MPDZ: variants seen among roughly 807,000 people sequenced by gnomAD.
MPDZ encodes multiple PDZ domain crumbs cell polarity complex component.
A neutral mutation model predicts 239.1 loss-of-function variants in MPDZ; 234 were observed. The ratio of observed to expected loss-of-function variants is 0.98; its 90% CI spans 0.88 to 1.09. The LOEUF (loss-of-function observed/expected upper bound fraction) is 1.09. MPDZ is among the 50% of genes least tolerant of loss of function. The pLI is 0.00. For synonymous variants in MPDZ, 1,048 were observed against 881.3 expected, an observed-to-expected ratio of 1.19 and a Z score of -3.35; for missense variants, 3,175 against 2,510.0, an observed-to-expected ratio of 1.26 and a Z score of -5.66.
intron 26 of MPDZ, among the ~76,000 whole-genome samples, chr9:13,145,142 C>G (rs954884927): frequency 6.6e-6 from 1 of 152,000 alleles, no homozygotes. Flanking sequence ...AGCATAGGCA[C>G]AGCAGACGAA....
intron 12 of MPDZ, among the ~76,000 whole-genome samples, chr9:13,197,635 T>C (rs1675181103): frequency 6.6e-6 from 1 of 152,120 alleles, no homozygotes; most frequent in South Asian, 2.1e-4. Flanking sequence ...ATCTTCTTCC[T>C]ATTTTGACAT....
At chr9:13,207,758 T>G (rs533987358) in intron 10 of MPDZ, among the ~76,000 whole-genome samples, 1 of 152,204 alleles carries the variant, frequency 6.6e-6, no homozygotes, top group Non-Finnish European at 1.5e-5. Context: ...TTTTTCCTTA[T>G]AGTAGTGTCA....
chr9:13,119,664 G>C lies in MPDZ; in HGVS notation c.5232-15C>G, dbSNP rs1187675324. On this transcript the variant is annotated splice_polypyrimidine_tract_variant and intron_variant, in intron 38 of 46. Transcript: ENST00000319217. Reference sequence around the variant, plus strand: ...CAGTATCGTTTCTACACACAATTTTGAATTTCAACATTATCTTTTGCTCAA... The same window carrying C: ...CAGTATCGTTTCTACACACAATTTTCAATTTCAACATTATCTTTTGCTCAA... The C allele has an allele frequency of 2.5e-6, 4 of 1,613,612 alleles. No homozygotes were observed. The highest frequency in any genetic ancestry group is 2.5e-6 in the Non-Finnish European group (3 of 1,179,748).
intron 35 of MPDZ, 38 bp from the exon 36 acceptor site, chr9:13,123,336 G>C: frequency 6.5e-7 from 1 of 1,541,600 alleles, no homozygotes; most frequent in Non-Finnish European, 8.8e-7. Context: ...AATAAAAATT[G>C]GTTACTAAGG....
At chr9:13,260,996 G>C (rs1970559009) in intron 1 of MPDZ, among the ~76,000 whole-genome samples, 1 of 152,200 alleles carries the variant, frequency 6.6e-6, no homozygotes, top group South Asian at 2.1e-4. Context: ...AAGGGAACCA[G>C]GGCTGGGCTC....
At chr9:13,206,491 C>A (rs143354340) in intron 10 of MPDZ, among the ~76,000 whole-genome samples, 84 of 151,896 alleles carry the variant, frequency 5.5e-4, no homozygotes, top group African/African-American at 1.9e-3. Context: ...TAGGCTCAAG[C>A]GATCCTCTCA....
chr9:13,168,334 CCAAGTTAAA>C (rs1563946702), intron 22 of MPDZ, 23 bp downstream of exon 22: 2 of 1,581,418 alleles, frequency 1.3e-6, no homozygotes, highest in Non-Finnish European at 1.7e-6. Context: ...CCTGAATTTC[CCAAGTTAAA>C]CTGGGCTTCA....
At chr9:13,242,619 T>C (rs1009183685) in intron 3 of MPDZ, among the ~76,000 whole-genome samples, 15 of 147,906 alleles carry the variant, frequency 1.0e-4, no homozygotes, top group Admixed American at 4.0e-4. Flanking sequence ...AAAAAAAAAA[T>C]GCAAAAGAAC....
intron 12 of MPDZ, among the ~76,000 whole-genome samples, chr9:13,200,119 CT>C (rs1302037074): frequency 2.0e-5 from 3 of 151,828 alleles, no homozygotes; most frequent in African/African-American, 7.2e-5. Context: ...CCAACTCAAT[CT>C]TGTTACTGGT....
At chr9:13,111,998 CTT>C (rs764385488) in intron 43 of MPDZ, 24 bp downstream of exon 43, 263 of 1,610,950 alleles carry the variant, frequency 1.6e-4, no homozygotes, top group Non-Finnish European at 2.2e-4. Context: ...TTTGCTAGGG[CTT>C]CTAGGGTTGA....
At chr9:13,251,710 T>G (rs1236466745) in intron 1 of MPDZ, among the ~76,000 whole-genome samples, 4 of 152,232 alleles carry the variant, frequency 2.6e-5, no homozygotes, top group Non-Finnish European at 5.9e-5. Context: ...GATGAGCAGA[T>G]CTACAGAGCA....
intron 28 of MPDZ, 47 bp from the exon 29 acceptor site, chr9:13,138,200 G>A (rs1947126009): frequency 6.8e-7 from 1 of 1,466,398 alleles, no homozygotes; most frequent in Admixed American, 2.4e-5. Context: ...TTAATTTACA[G>A]TCAAATGCTT....
intron 32 of MPDZ, 71 bp downstream of exon 32, chr9:13,133,753 A>C: frequency 9.0e-7 from 1 of 1,110,804 alleles, no homozygotes; most frequent in Non-Finnish European, 1.3e-6. Flanking sequence ...CACACTTTTG[A>C]GAACACAGTG....
Position 13,247,753 on chromosome 9 carries a change from C to T in MPDZ, c.65G>A (p.Arg22Gln), listed in dbSNP as rs763333992. The T allele has an allele frequency of 1.4e-5, 22 of 1,612,576 alleles. No individual in the cohort carries two copies. The highest frequency in any genetic ancestry group is 2.2e-5 in the East Asian group (1 of 44,860). ...TTCATTTGCTACATCCCCACGTTCT[C>T]GCAGCTTGGTTTGCAAGCGCTCTGC... The part of the protein sequence containing the change: ...HAAERLQTKL[R>Q]ERGDVANEDK... Residue 22 changes from arginine to glutamine, a missense_variant, in exon 3 of 47, where the codon CGA (arginine) becomes CAA (glutamine). By Grantham distance (43) the Arg-to-Gln change is conservative (BLOSUM62 1). Coordinates refer to ENST00000319217, the MANE Select transcript of MPDZ (RefSeq NM_001378778.1).
chr9:13,204,406 G>T (rs992510182), intron 12 of MPDZ, among the ~76,000 whole-genome samples: 5 of 152,072 alleles, frequency 3.3e-5, no homozygotes, highest in African/African-American at 4.8e-5. Context: ...TGGCCAACAT[G>T]GCGAAATCTG....
rs774295990 is a variant in MPDZ at position 13,115,381 on chromosome 9, T to C, written c.5380-47A>G. The C allele has an allele frequency of 6.2e-6, 9 of 1,441,964 alleles. No individual in the cohort carries two copies. The Admixed American group carries it at 8.6e-5, about 14-fold the overall frequency. The allele number at this position is 1,441,964 out of a possible 1,614,324, so 89.3% of individuals were successfully genotyped here. A position where few individuals can be genotyped will look rare whatever the true frequency, so the allele number is the denominator to read the frequency against. The stretch of plus-strand genomic sequence containing the variant: ...GTTTTATGGAAATGTTTAAATAAAA[T>C]GCTATAATCATCTTTAGGAATACAT... On this transcript the variant is annotated intron_variant, in intron 39 of 46. Coordinates refer to ENST00000319217, the MANE Select transcript of MPDZ (RefSeq NM_001378778.1).
At position 13,216,836 on chromosome 9, in the gene MPDZ, T is replaced by C. The variant is rs1281885008; in HGVS notation, c.1228A>G (p.Ile410Val). 6.2e-7 allele frequency: 1 copy of C among 1,609,950 alleles called. No individual in the cohort carries two copies. Among genetic ancestry groups the C allele is most frequent in the Non-Finnish European group, 8.5e-7 (1 of 1,177,798 alleles). ...LEPSGIFVKS[I>V]TKSSAVEHDG... ...TGCTCAACGGCACTGCTTTTTGTAATGCTCTTTACAAAGATTCCTGAAGGT... is the reference window on the plus strand; with the variant it reads ...TGCTCAACGGCACTGCTTTTTGTAACGCTCTTTACAAAGATTCCTGAAGGT... The change falls in exon 10 of 47, where the codon ATT becomes GTT. Residue 410 changes from isoleucine (I) to valine (V), a missense_variant. Ile to Val is a conservative substitution (Grantham distance 29). Transcript: ENST00000319217.
At position 13,125,812 on chromosome 9, in the gene MPDZ, A is replaced by G. The variant is rs185975617; in HGVS notation, c.4633-422T>C. On this transcript the variant is annotated intron_variant, in intron 34 of 46. Coordinates refer to ENST00000319217, the MANE Select transcript of MPDZ (RefSeq NM_001378778.1). ...ACACATATGTTAGAAGCAGAATAAG[A>G]AAAGTATACAACAAAAAAGTCAAGG... is the stretch of plus-strand genomic sequence containing the variant. Among the ~76,000 whole-genome samples, 167 of 152,346 alleles carry G rather than the reference A, an allele frequency of 1.1e-3. 1 individual carries two copies. Among genetic ancestry groups the G allele is most frequent in the Admixed American group, 0.01 (159 of 15,300 alleles).
chr9:13,142,927 A>C (rs1947923147), intron 27 of MPDZ, among the ~76,000 whole-genome samples: 1 of 152,134 alleles, frequency 6.6e-6, no homozygotes, highest in South Asian at 2.1e-4. Context: ...GAAAATGAGA[A>C]GATCCAAGTA....
Sources: gnomAD v4.1 joint callset for allele counts (sites outside exome capture counted in the v4.1 genomes callset) on GRCh38, gnomAD v4.1.1 for gene constraint, MANE v1.5 for transcripts, NCBI Gene and HGNC (gene_info 2026-07-23, HGNC 2026-07-21) for gene names.